Variants in RHOH observed in about 807,000 individuals in gnomAD.
RHOH encodes the protein rho-related GTP-binding protein RhoH.
RHOH carries 6 observed loss-of-function variants against 13.8 expected under a neutral mutation model. The observed-to-expected ratio is 0.44, with a 90% CI of 0.24 to 0.86. RHOH has a LOEUF of 0.86. RHOH is among the 40% of genes least tolerant of loss of function. The pLI, the probability that RHOH is intolerant of heterozygous loss-of-function variation, is 0.24. For synonymous variants in RHOH, 117 were observed against 103.0 expected (o/e 1.14, Z -0.82); for missense variants, 147 against 244.5 (o/e 0.60, Z 2.66).
At chr4:40,200,009 G>A (rs1723753688) in intron 1 of RHOH, among the ~76,000 whole-genome samples, 1 of 152,194 alleles carries the variant, frequency 6.6e-6, no homozygotes, top group African/African-American at 2.4e-5. Context: ...TCCCACTGGT[G>A]TCCTAAGGGA....
chr4:40,237,600 G>T (rs1728742739), intron 1 of RHOH, among the ~76,000 whole-genome samples: 1 of 152,184 alleles, frequency 6.6e-6, no homozygotes, highest in African/African-American at 2.4e-5. Flanking sequence ...GGCTAGAGAT[G>T]GGTTGCTGAG....
At chr4:40,226,550 AAG>A (rs1417232371) in intron 1 of RHOH, among the ~76,000 whole-genome samples, 1 of 151,722 alleles carries the variant, frequency 6.6e-6, no homozygotes, top group Non-Finnish European at 1.5e-5. Context: ...AAAAAAGAAA[AAG>A]AAAAAAATAT....
intron 1 of RHOH, among the ~76,000 whole-genome samples, chr4:40,207,505 T>C (rs1724785906): frequency 6.6e-6 from 1 of 152,242 alleles, no homozygotes; most frequent in Non-Finnish European, 1.5e-5. Context: ...AGGAGGGTTC[T>C]ACGTAAAACG....
intron 1 of RHOH, among the ~76,000 whole-genome samples, chr4:40,208,870 T>A (rs1724945107): frequency 6.6e-6 from 1 of 151,960 alleles, no homozygotes; most frequent in African/African-American, 2.4e-5. Flanking sequence ...TATATACATA[T>A]AATATTTGTA....
intron 1 of RHOH, among the ~76,000 whole-genome samples, chr4:40,211,165 T>C (rs1375313335): frequency 6.6e-6 from 1 of 152,256 alleles, no homozygotes; most frequent in Admixed American, 6.5e-5. Flanking sequence ...TATATCTTTG[T>C]ATATTAGCAC....
At chr4:40,192,257 A>T (rs1722735110), upstream of RHOH, among the ~76,000 whole-genome samples, 1 of 152,220 alleles carries the variant, frequency 6.6e-6, no homozygotes, top group African/African-American at 2.4e-5. Context: ...ACAAGGTTTT[A>T]GTACATATTA....
chr4:40,200,386 C>A (rs750855562), intron 1 of RHOH: 1 of 152,126 alleles, frequency 6.6e-6, no homozygotes, highest in Non-Finnish European at 1.5e-5. Context: ...ACAGCAAAAC[C>A]ACCTGGGGAG....
At chr4:40,200,607 C>T (rs1723840158) in intron 1 of RHOH, 1 of 152,164 alleles carries the variant, frequency 6.6e-6, no homozygotes, top group Admixed American at 6.5e-5. Context: ...TTGATCTACT[C>T]TCTATTGTGA....
chr4:40,215,710 C>T lies in RHOH; in HGVS notation c.-331+18410C>T, dbSNP rs572546118. On this transcript the variant is annotated intron_variant, in intron 1 of 2. Transcript: ENST00000381799. ...TTGGGAGGCCAAGGCGGGTGGATCA[C>T]TTGAGGTCAAGAGTTCAAGACCAGC... Among the ~76,000 whole-genome samples, 4 of 152,298 alleles carry T rather than the reference C, an allele frequency of 2.6e-5. No homozygotes were observed. The East Asian group carries it at 7.7e-4, about 29-fold the overall frequency.
intron 1 of RHOH, among the ~76,000 whole-genome samples, chr4:40,213,201 T>G (rs1359417429): frequency 6.6e-6 from 1 of 152,116 alleles, no homozygotes; most frequent in African/African-American, 2.4e-5. Flanking sequence ...ACCCTCTGTA[T>G]CATTATGTGA....
rs11358011 is a variant in RHOH, at chr4:40,213,360, C to CT, written c.-331+16073dup. 1.2e-3 allele frequency among the ~76,000 whole-genome samples: 166 copies of CT among 144,018 alleles called. 1 individual carries two copies. Among genetic ancestry groups the CT allele is most frequent in the African/African-American group, 3.7e-3 (143 of 38,546 alleles). The allele number at this position is 144,018 out of a possible 152,430, so 94.5% of individuals were successfully genotyped here. ...TTCTCTCTCTCTCTCTCTCGTTTCTCTTTTTTTTTTTTTCTCTCTCTCTCT... is the reference window on the plus strand; with the variant it reads ...TTCTCTCTCTCTCTCTCTCGTTTCTCTTTTTTTTTTTTTTCTCTCTCTCTCT... On this transcript the variant is annotated intron_variant, in intron 1 of 2. Coordinates refer to ENST00000381799, the MANE Select transcript of RHOH (RefSeq NM_004310.5).
At chr4:40,207,409 GA>G (rs759054747) in intron 1 of RHOH, among the ~76,000 whole-genome samples, 33 of 151,988 alleles carry the variant, frequency 2.2e-4, no homozygotes, top group Non-Finnish European at 3.4e-4. Flanking sequence ...TACATTTCAG[GA>G]AAAGCAATTG....
In RHOH at chr4:40,235,590, C is replaced by CAAAAAAA. The variant is rs34336418; in HGVS notation, c.-330-7112_-330-7106dup. On this transcript the variant is annotated intron_variant, in intron 1 of 2. Transcript: ENST00000381799. ...GGGCAAAAAGAGCGAAACTTCATCT[C>CAAAAAAA]AAAAAAAAAAAAAAAAAAGAAAAAA... Among the ~76,000 whole-genome samples, 27 of 74,490 alleles carry CAAAAAAA rather than the reference C, an allele frequency of 3.6e-4. No homozygotes were observed. The East Asian group carries it at 4.9e-3, about 13-fold the overall frequency. 48.9% of individuals were successfully genotyped at this position (74,490 alleles called of 152,430 possible). A position where few individuals can be genotyped will look rare whatever the true frequency, so the allele number is the denominator to read the frequency against.
chr4:40,199,565 C>A (rs923193337), intron 1 of RHOH, among the ~76,000 whole-genome samples: 3 of 152,198 alleles, frequency 2.0e-5, no homozygotes, highest in Non-Finnish European at 4.4e-5. Flanking sequence ...CTCTCAGTAT[C>A]CGCTGCATTA....
chr4:40,216,966 G>C (rs528096463), intron 1 of RHOH, among the ~76,000 whole-genome samples: 2 of 152,294 alleles, frequency 1.3e-5, no homozygotes, highest in African/African-American at 4.8e-5. Context: ...TATTATCCAA[G>C]AAACCAATAT....
upstream of RHOH, chr4:40,193,515 A>AGAGGGGAGGG (rs1722834428): frequency 4.3e-5 from 2 of 46,934 alleles, no homozygotes; most frequent in East Asian, 6.4e-4. Context: ...AGAGGAGAGG[A>AGAGGGGAGGG]GGGGCGGGGT....
In RHOH at chr4:40,243,920, CAGAA is replaced by C; in HGVS notation, c.535_538del (p.Arg179GlyfsTer89). 6.2e-7 allele frequency: 1 copy of C among 1,614,024 alleles called. No individual in the cohort carries two copies. On this transcript the variant is annotated frameshift_variant, in exon 3 of 3. Coordinates refer to ENST00000381799, the MANE Select transcript of RHOH (RefSeq NM_004310.5). LOFTEE classifies it high-confidence loss of function. This position sits in a 1 kb window ranked among gnomAD's most constrained non-coding sequence, Gnocchi z 6.2. ...CCGTCAACCAGGCCAGGAGACGAAA[CAGAA>C]GGAGGCTCTTCTCCATCAATGAGTG...
chr4:40,243,284 C>A lies in RHOH; in HGVS notation c.-103C>A. Reference sequence around the variant, plus strand: ...AGAGGTCCTGAGGACACAGACCTACCTGGCTTGCATTCCCCTTGCTGAATG... The same window carrying A: ...AGAGGTCCTGAGGACACAGACCTACATGGCTTGCATTCCCCTTGCTGAATG... On this transcript the variant is annotated 5_prime_UTR_variant, in exon 3 of 3. The change creates a new upstream start codon in the 5' untranslated region. Coordinates refer to ENST00000381799, the MANE Select transcript of RHOH (RefSeq NM_004310.5). This position sits in a 1 kb window ranked among gnomAD's most constrained non-coding sequence, Gnocchi z 6.2. 1.0e-6 allele frequency: 1 copy of A among 989,270 alleles called. No individual in the cohort carries two copies. The highest frequency in any genetic ancestry group is 1.5e-6 in the Non-Finnish European group (1 of 667,406). 61.3% of individuals were successfully genotyped at this position (989,270 alleles called of 1,614,324 possible). A position where few individuals can be genotyped will look rare whatever the true frequency, so the allele number is the denominator to read the frequency against.
intron 1 of RHOH, among the ~76,000 whole-genome samples, chr4:40,216,310 A>C (rs1437263629): frequency 6.6e-6 from 1 of 151,942 alleles, no homozygotes; most frequent in African/African-American, 2.4e-5. Context: ...CTCGATTAAA[A>C]ATACAAAAAC....
Sources: allele counts gnomAD v4.1 joint callset (sites outside exome capture counted in the v4.1 genomes callset), GRCh38; gene constraint gnomAD v4.1.1; non-coding constraint Gnocchi (gnomAD v3.1); transcripts MANE v1.5; gene names NCBI Gene and HGNC (gene_info 2026-07-23, HGNC 2026-07-21).